DNAH11: variants seen among roughly 807,000 people sequenced by gnomAD.
The protein encoded by DNAH11 is dynein axonemal heavy chain 11, also known as axonemal beta dynein heavy chain 11.
DNAH11 carries 442 observed loss-of-function variants against 526.0 expected under a neutral mutation model. The ratio of observed to expected loss-of-function variants is 0.84; its 90% confidence interval spans 0.78 to 0.91. DNAH11 has a LOEUF of 0.91. DNAH11 is among the 40% of genes least tolerant of loss of function. The probability of loss-of-function intolerance (pLI) is 0.00; values close to 1 mark genes in which losing one functional copy is unlikely to be tolerated. For missense variants in DNAH11, 6,989 were observed against 5,448.7 expected (o/e 1.28, Z -8.90); for synonymous variants, 2,461 against 1,935.9 (o/e 1.27, Z -7.12).
intron 40 of DNAH11, among the ~76,000 whole-genome samples, chr7:21,709,398 A>G (rs1427890131): frequency 6.6e-6 from 1 of 152,176 alleles, no homozygotes; most frequent in Non-Finnish European, 1.5e-5. Context: ...TAAAGATGGG[A>G]GCCATTGACA....
intron 79 of DNAH11, among the ~76,000 whole-genome samples, chr7:21,898,293 T>C (rs895279565): frequency 6.6e-6 from 1 of 152,222 alleles, no homozygotes; most frequent in African/African-American, 2.4e-5. Context: ...GATCCAGCTA[T>C]CTGGAAGAAC....
chr7:21,747,064 G>T (rs908316572), intron 51 of DNAH11, among the ~76,000 whole-genome samples: 19 of 152,182 alleles, frequency 1.2e-4, no homozygotes, highest in African/African-American at 4.3e-4. Flanking sequence ...TGATTTCAGA[G>T]CGTGTCCTTG....
intron 35 of DNAH11, among the ~76,000 whole-genome samples, chr7:21,697,547 C>G (rs1399436341): frequency 6.6e-6 from 1 of 152,116 alleles, no homozygotes; most frequent in Admixed American, 6.5e-5. Context: ...ATTTATTTTA[C>G]TGGTATTTAT....
At chr7:21,777,497 C>G (rs960088623) in intron 56 of DNAH11, among the ~76,000 whole-genome samples, 4 of 152,006 alleles carry the variant, frequency 2.6e-5, no homozygotes, top group African/African-American at 9.7e-5. Context: ...CAGGCAAATT[C>G]TTTCCATAAT....
intron 30 of DNAH11, among the ~76,000 whole-genome samples, chr7:21,668,345 C>T (rs1392893969): frequency 2.0e-5 from 3 of 152,046 alleles, no homozygotes; most frequent in African/African-American, 2.4e-5. Context: ...AAAATAATAT[C>T]TCTTCCTAGG....
At chr7:21,778,529 T>G (rs1787784892) in intron 56 of DNAH11, among the ~76,000 whole-genome samples, 1 of 152,154 alleles carries the variant, frequency 6.6e-6, no homozygotes, top group Non-Finnish European at 1.5e-5. Context: ...GTCGTCAACT[T>G]ACTGAAGCCT....
intron 7 of DNAH11, 52 bp downstream of exon 7, chr7:21,570,351 C>T: frequency 2.1e-6 from 3 of 1,425,658 alleles, no homozygotes; most frequent in Non-Finnish European, 2.9e-6. Flanking sequence ...TGCAAAAAGC[C>T]AGTAGCTTTT....
intron 45 of DNAH11, among the ~76,000 whole-genome samples, chr7:21,732,670 A>G (rs1183681153): frequency 1.3e-5 from 2 of 152,234 alleles, no homozygotes; most frequent in African/African-American, 4.8e-5. Flanking sequence ...AAGTCGAATA[A>G]TCACAATGCA....
chr7:21,560,158 C>A (rs1470752101), intron 4 of DNAH11, among the ~76,000 whole-genome samples: 6 of 152,146 alleles, frequency 3.9e-5, no homozygotes, highest in Non-Finnish European at 7.3e-5. Context: ...ACTTTGGTTC[C>A]TCTGCTGGGT....
Position 21,892,635 on chromosome 7 carries a change from G to A in DNAH11, c.12718G>A (p.Gly4240Ser), listed in dbSNP as rs1276904320. ...GATGCAGCCCAGGAATGCACTCAGT[G>A]GTGATGAACTGGGGCAGTCTACAGA... ...LEMQPRNALSGDELGQSTEEK... is the reference protein window; with the variant it reads ...LEMQPRNALSSDELGQSTEEK... The change falls in exon 77 of 82, where the codon GGT (glycine) becomes AGT (serine). Residue 4240 changes from glycine (G) to serine (S), a missense_variant. Coordinates refer to ENST00000409508, the MANE Select transcript of DNAH11 (RefSeq NM_001277115.2). 6 of 1,611,418 alleles carry A rather than the reference G, an allele frequency of 3.7e-6. No individual in the cohort carries two copies. The South Asian group carries it at 4.4e-5, about 12-fold the overall frequency.
intron 54 of DNAH11, among the ~76,000 whole-genome samples, chr7:21,754,218 G>GT (rs2128494057): frequency 6.6e-6 from 1 of 152,250 alleles, no homozygotes; most frequent in South Asian, 2.1e-4. Context: ...ATGTTTCACT[G>GT]TTAGGTCTTA....
intron 30 of DNAH11, among the ~76,000 whole-genome samples, chr7:21,667,894 G>A (rs892919933): frequency 7.9e-5 from 12 of 152,044 alleles, no homozygotes; most frequent in African/African-American, 2.9e-4. Context: ...GACCATTAAC[G>A]ATGGAAATAA....
chr7:21,720,415 G>A (rs1054330739), intron 43 of DNAH11, among the ~76,000 whole-genome samples: 3 of 151,240 alleles, frequency 2.0e-5, no homozygotes, highest in Admixed American at 2.0e-4. Flanking sequence ...TTATAAAAAA[G>A]TGAATATGTA....
chr7:21,699,393 A>G (rs1261970220), intron 36 of DNAH11, among the ~76,000 whole-genome samples: 2 of 152,230 alleles, frequency 1.3e-5, no homozygotes, highest in South Asian at 2.1e-4. Flanking sequence ...TTTAAAATTC[A>G]GCCATATGAT....
At chr7:21,756,932 C>T (rs544522758) in intron 54 of DNAH11, among the ~76,000 whole-genome samples, 2 of 152,208 alleles carry the variant, frequency 1.3e-5, no homozygotes, top group African/African-American at 4.8e-5. Context: ...AGTTAATTAT[C>T]TTCAATTCAT....
chr7:21,882,606 G>A lies in DNAH11; in HGVS notation c.12388-1685G>A, dbSNP rs368870690. On this transcript the variant is annotated intron_variant, in intron 75 of 81. Coordinates refer to ENST00000409508, the MANE Select transcript of DNAH11 (RefSeq NM_001277115.2). ...AGTCCAGAAGTTCGACACCAGCCTG[G>A]GTAACATGGGGAAACCCAGTCTCCA... Among the ~76,000 whole-genome samples, 5 of 152,114 alleles carry A rather than the reference G, an allele frequency of 3.3e-5. No individual in the cohort carries two copies. In the East Asian group the frequency reaches 7.7e-4, roughly 23 times the overall value.
chr7:21,747,050 G>A (rs966314254), intron 51 of DNAH11, among the ~76,000 whole-genome samples: 1 of 152,216 alleles, frequency 6.6e-6, no homozygotes, highest in Non-Finnish European at 1.5e-5. Flanking sequence ...CTCAGCATTA[G>A]AGGTGATTTC....
intron 3 of DNAH11, 64 bp from the exon 4 acceptor site, chr7:21,559,539 A>G: frequency 7.7e-7 from 1 of 1,304,396 alleles, no homozygotes; most frequent in Non-Finnish European, 1.1e-6. Flanking sequence ...AATAACTATT[A>G]AAGTCTATGT....
rs754541157 is a variant in DNAH11, at chr7:21,854,384, A to G, written c.11131A>G (p.Arg3711Gly). The change falls in exon 68 of 82, where the codon AGA becomes GGA. Residue 3711 changes from arginine to glycine, a missense_variant. By Grantham distance (125) the Arg-to-Gly change is moderately radical (BLOSUM62 -2). Coordinates refer to ENST00000409508, the MANE Select transcript of DNAH11 (RefSeq NM_001277115.2). ...AGAATGTTACAGACCAGTGGCAGCA[A>G]GAGCATCTCTTCTTTATTTTGTTAT... is the stretch of plus-strand genomic sequence containing the variant. ...ARECYRPVAA[R>G]ASLLYFVIND... 3 of 1,613,892 alleles carry G rather than the reference A, an allele frequency of 1.9e-6. No individual in the cohort carries two copies. The highest frequency in any genetic ancestry group is 1.7e-5 in the Admixed American group (1 of 60,012).
Sources: gnomAD v4.1 joint callset for allele counts (sites outside exome capture counted in the v4.1 genomes callset) on GRCh38, gnomAD v4.1.1 for gene constraint, MANE v1.5 for transcripts, NCBI Gene and HGNC (gene_info 2026-07-23, HGNC 2026-07-21) for gene names.